NEGR1: variants seen among roughly 807,000 people sequenced by gnomAD.
The protein encoded by NEGR1 is IgLON family member 4.
In NEGR1, 10 loss-of-function variants were observed where a neutral mutation model predicts 40.9. The observed-to-expected ratio is 0.24, with a 90% CI of 0.15 to 0.42. The LOEUF (loss-of-function observed/expected upper bound fraction) is 0.42, where lower values mean the gene tolerates loss of function less well. Ranked by LOEUF, NEGR1 falls within the 10% of genes least tolerant of loss-of-function variation. NEGR1 has a pLI of 1.00. For missense variants in NEGR1, 352 were observed against 438.9 expected, an observed-to-expected ratio of 0.80 and a Z score of 1.77; for synonymous variants, 185 against 166.8, an observed-to-expected ratio of 1.11 and a Z score of -0.84.
chr1:72,257,104 C>T (rs1655295746), intron 1 of NEGR1, among the ~76,000 whole-genome samples: 1 of 151,994 alleles, frequency 6.6e-6, no homozygotes, highest in Non-Finnish European at 1.5e-5. Context: ...GGGCGGATCA[C>T]GAGGTCAGGA....
At chr1:71,526,997 A>G (rs1647224645) in intron 6 of NEGR1, among the ~76,000 whole-genome samples, 1 of 151,618 alleles carries the variant, frequency 6.6e-6, no homozygotes, top group Non-Finnish European at 1.5e-5. Context: ...TTTGTCTAGA[A>G]TGGCTTTTGC....
intron 4 of NEGR1, among the ~76,000 whole-genome samples, chr1:71,679,587 A>G (rs1652763123): frequency 6.6e-6 from 1 of 152,134 alleles, no homozygotes; most frequent in African/African-American, 2.4e-5. Flanking sequence ...AGTACAGAAC[A>G]CAATATCATC....
chr1:71,676,884 A>G (rs1434381392), intron 4 of NEGR1, among the ~76,000 whole-genome samples: 1 of 152,184 alleles, frequency 6.6e-6, no homozygotes, highest in Non-Finnish European at 1.5e-5. Context: ...ACTGGCAATC[A>G]CCCAGCATAT....
chr1:71,771,129 G>T (rs1050932622), intron 3 of NEGR1, among the ~76,000 whole-genome samples: 3 of 152,128 alleles, frequency 2.0e-5, no homozygotes, highest in Admixed American at 2.0e-4. Context: ...CCATAAAAAA[G>T]ATGAGTTAAT....
chr1:72,201,178 C>T (rs1205647148), intron 1 of NEGR1, among the ~76,000 whole-genome samples: 1 of 151,636 alleles, frequency 6.6e-6, no homozygotes, highest in African/African-American at 2.4e-5. Flanking sequence ...CAAAACAACA[C>T]ATTTCATTTA....
intron 3 of NEGR1, among the ~76,000 whole-genome samples, chr1:71,718,656 T>C (rs1654354057): frequency 6.6e-6 from 1 of 152,218 alleles, no homozygotes; most frequent in African/African-American, 2.4e-5. Flanking sequence ...TAAATATGTT[T>C]TTATTATTTA....
chr1:71,766,958 G>T (rs1443318824), intron 3 of NEGR1, among the ~76,000 whole-genome samples: 1 of 152,102 alleles, frequency 6.6e-6, no homozygotes, highest in Non-Finnish European at 1.5e-5. Context: ...GTATCCTAAG[G>T]CCTCTCCAGA....
chr1:72,075,176 G>A (rs913821036), intron 1 of NEGR1, among the ~76,000 whole-genome samples: 3 of 152,076 alleles, frequency 2.0e-5, no homozygotes, highest in Non-Finnish European at 4.4e-5. Flanking sequence ...ATATAGAGAA[G>A]CTTAGTAAAT....
intron 4 of NEGR1, among the ~76,000 whole-genome samples, chr1:71,695,184 C>A (rs891281463): frequency 1.3e-5 from 2 of 151,716 alleles, no homozygotes; most frequent in African/African-American, 4.8e-5. Flanking sequence ...CAATCACATC[C>A]CTTCACACCT....
At chr1:71,708,360 T>C (rs1653972619) in intron 3 of NEGR1, among the ~76,000 whole-genome samples, 1 of 151,876 alleles carries the variant, frequency 6.6e-6, no homozygotes, top group African/African-American at 2.4e-5. Flanking sequence ...GAAAAATGTA[T>C]TTGGCATACT....
intron 2 of NEGR1, among the ~76,000 whole-genome samples, chr1:71,879,347 G>C (rs1660520814): frequency 6.6e-6 from 1 of 152,122 alleles, no homozygotes; most frequent in Non-Finnish European, 1.5e-5. Flanking sequence ...AAAGGAAATG[G>C]ATTAGTGGCC....
intron 1 of NEGR1, among the ~76,000 whole-genome samples, chr1:72,141,537 G>T (rs1456057950): frequency 6.6e-6 from 1 of 151,800 alleles, no homozygotes; most frequent in Admixed American, 6.6e-5. Flanking sequence ...CAATCAAATG[G>T]GAGCACCACT....
intron 1 of NEGR1, among the ~76,000 whole-genome samples, chr1:72,113,445 AT>A (rs1347009046): frequency 8.6e-5 from 13 of 151,050 alleles, no homozygotes; most frequent in Admixed American, 4.6e-4. Flanking sequence ...CAAAAAAAAA[AT>A]ATGTGTTTAG....
intron 2 of NEGR1, among the ~76,000 whole-genome samples, chr1:71,844,418 G>A (rs1018793135): frequency 6.6e-6 from 1 of 152,018 alleles, no homozygotes; most frequent in African/African-American, 2.4e-5. Context: ...TTTTACTTAT[G>A]GTTTTAATGG....
intron 1 of NEGR1, among the ~76,000 whole-genome samples, chr1:71,953,227 C>T (rs1054292346): frequency 6.6e-6 from 1 of 151,940 alleles, no homozygotes; most frequent in African/African-American, 2.4e-5. Flanking sequence ...CTAAGTTAAA[C>T]CGCCTGGAAA....
At chr1:71,925,454 G>A (rs996920902) in intron 2 of NEGR1, among the ~76,000 whole-genome samples, 3 of 152,150 alleles carry the variant, frequency 2.0e-5, no homozygotes, top group Non-Finnish European at 4.4e-5. Context: ...GAGAGATATT[G>A]GAACATAGCC....
intron 1 of NEGR1, among the ~76,000 whole-genome samples, chr1:71,954,905 TG>T (rs1557453521): frequency 6.6e-6 from 1 of 152,154 alleles, no homozygotes; most frequent in Non-Finnish European, 1.5e-5. Context: ...AAAATGTATA[TG>T]GTGATAACCT....
At chr1:71,825,908 C>A (rs1442494688) in intron 2 of NEGR1, among the ~76,000 whole-genome samples, 1 of 151,904 alleles carries the variant, frequency 6.6e-6, no homozygotes, top group East Asian at 1.9e-4. Context: ...TTTAGCCTAT[C>A]ATTCACTTCA....
At position 71,407,007 on chromosome 1, in the gene NEGR1, A is replaced by G. The variant is rs902104382; in HGVS notation, c.*439T>C. ...TTGCTTTTTTATCAAAAAAGAAAAA[A>G]ATGCATCTTTGTAAATGTGGATTGA... On this transcript the variant is annotated 3_prime_UTR_variant, in exon 7 of 7. Transcript: ENST00000357731. The G allele has an allele frequency of 6.6e-6, 1 of 152,620 alleles. No individual in the cohort carries two copies. The highest frequency in any genetic ancestry group is 1.5e-5 in the Non-Finnish European group (1 of 68,032). 9.5% of individuals were successfully genotyped at this position (152,620 alleles called of 1,614,324 possible).
Sources: allele counts gnomAD v4.1 joint callset (sites outside exome capture counted in the v4.1 genomes callset), GRCh38; gene constraint gnomAD v4.1.1; transcripts MANE v1.5; gene names NCBI Gene and HGNC (gene_info 2026-07-23, HGNC 2026-07-21).